Variants in GPHN observed in about 807,000 individuals in gnomAD.
The protein encoded by GPHN is gephyrin.
A neutral mutation model predicts 95.5 loss-of-function variants in GPHN; 17 were observed. That is an observed-to-expected ratio of 0.18 (90% CI 0.12 to 0.27). GPHN has a LOEUF of 0.27. GPHN is among the 10% of genes least tolerant of loss of function. GPHN has a pLI of 1.00. For missense variants in GPHN, 660 were observed against 978.1 expected (o/e 0.67, Z 4.34); for synonymous variants, 320 against 322.5 (o/e 0.99, Z 0.08).
rs1014212048 is a variant in GPHN at position 66,760,391 on chromosome 14, C to T, written c.144-16073C>T. 8 of 155,420 alleles carry T rather than the reference C, an allele frequency of 5.1e-5. 1 individual carries two copies. The highest frequency in any genetic ancestry group is 1.9e-4 in the East Asian group (1 of 5,244). 9.6% of individuals were successfully genotyped at this position (155,420 alleles called of 1,614,324 possible). On this transcript the variant is annotated intron_variant, in intron 2 of 22. Transcript: ENST00000478722. ...TAATCTCATTTAATTATGTTTTGCA[C>T]GCTTTGTATATTGTAAGAGGTTAAT...
chr14:66,953,185 T>A (rs1275653063), intron 8 of GPHN, among the ~76,000 whole-genome samples: 1 of 149,098 alleles, frequency 6.7e-6, no homozygotes, highest in African/African-American at 2.6e-5. Flanking sequence ...TTGGTCTTTT[T>A]ATTATTCAGT....
chr14:67,606,018 T>C, the GPHN span, among the ~76,000 whole-genome samples: 3 of 152,302 alleles, frequency 2.0e-5, no homozygotes, highest in Admixed American at 2.0e-4. Flanking sequence ...CTTTTTCTCA[T>C]GTTAATGTGT....
chr14:67,513,217 T>C, the GPHN span, among the ~76,000 whole-genome samples: 3 of 152,186 alleles, frequency 2.0e-5, no homozygotes, highest in Non-Finnish European at 4.4e-5. Context: ...CAGGCCTCCA[T>C]ATCATTATCC....
intron 1 of GPHN, among the ~76,000 whole-genome samples, chr14:66,546,905 G>A (rs1385680895): frequency 6.6e-6 from 1 of 152,212 alleles, no homozygotes; most frequent in African/African-American, 2.4e-5. Flanking sequence ...ATGTGATAAT[G>A]TACTTGTATG....
the GPHN span, among the ~76,000 whole-genome samples, chr14:67,329,859 T>C: frequency 1.3e-5 from 2 of 150,060 alleles, no homozygotes; most frequent in Non-Finnish European, 3.0e-5. Flanking sequence ...AATAAATAAA[T>C]AAATAAATAA....
At chr14:67,615,314 A>G in the GPHN span, 435 of 153,670 alleles carry the variant, frequency 2.8e-3, 7 homozygotes, top group Admixed American at 0.026. Context: ...TTCATTTTCA[A>G]CTTTGGGGTT....
intron 1 of GPHN, among the ~76,000 whole-genome samples, chr14:66,676,001 A>G (rs150754464): frequency 5.9e-5 from 9 of 152,124 alleles, no homozygotes; most frequent in Admixed American, 5.2e-4. Flanking sequence ...AAGTTCAAAG[A>G]TATTTTATCC....
the GPHN span, among the ~76,000 whole-genome samples, chr14:67,641,316 GA>G: frequency 6.6e-6 from 1 of 151,970 alleles, no homozygotes; most frequent in East Asian, 1.9e-4. Flanking sequence ...TCCAAAATCT[GA>G]AAAAAATAAA....
At chr14:66,834,360 C>A (rs1012497451) in intron 4 of GPHN, among the ~76,000 whole-genome samples, 11 of 152,012 alleles carry the variant, frequency 7.2e-5, no homozygotes, top group Non-Finnish European at 1.3e-4. Context: ...CAAAATTAGA[C>A]CATTTAGATA....
In GPHN at chr14:66,629,149, A is replaced by ATATAAATATATATTTATATACG. The variant is rs2063654535; in HGVS notation, c.65-51954_65-51953insAATATATATTTATATACGTATA. On this transcript the variant is annotated intron_variant, in intron 1 of 22. Coordinates refer to ENST00000478722, the MANE Select transcript of GPHN (RefSeq NM_020806.5). ...TGTATATAAATATATATTTATATAC[A>ATATAAATATATATTTATATACG]TATATAAATATGTATATAAATATAT... Among the ~76,000 whole-genome samples, 3 of 84,984 alleles carry ATATAAATATATATTTATATACG rather than the reference A, an allele frequency of 3.5e-5. No homozygotes were observed. The South Asian group carries it at 1.2e-3, about 33-fold the overall frequency. The allele number at this position is 84,984 out of a possible 152,430, so 55.8% of individuals were successfully genotyped here. A position where few individuals can be genotyped will look rare whatever the true frequency, so the allele number is the denominator to read the frequency against.
intron 3 of GPHN, among the ~76,000 whole-genome samples, chr14:66,800,093 C>CT (rs2060291812): frequency 6.6e-6 from 1 of 151,994 alleles, no homozygotes; most frequent in South Asian, 2.1e-4. Flanking sequence ...TAATAAAAGT[C>CT]TACACTTTAA....
intron 2 of GPHN, among the ~76,000 whole-genome samples, chr14:66,773,079 C>G (rs1378375582): frequency 6.6e-6 from 1 of 152,162 alleles, no homozygotes; most frequent in African/African-American, 2.4e-5. Flanking sequence ...TTTCTGGTCT[C>G]CCCAGAGAAG....
intron 4 of GPHN, among the ~76,000 whole-genome samples, chr14:66,830,217 T>C (rs2061535447): frequency 6.6e-6 from 1 of 152,172 alleles, no homozygotes; most frequent in Admixed American, 6.5e-5. Flanking sequence ...TTCTCACTTT[T>C]ACCTTTGGTT....
At chr14:66,582,992 A>C (rs560970614) in intron 1 of GPHN, among the ~76,000 whole-genome samples, 7 of 152,038 alleles carry the variant, frequency 4.6e-5, no homozygotes, top group Admixed American at 3.9e-4. Flanking sequence ...CTAGTTTACA[A>C]TCCCACCAAC....
At chr14:67,341,427 T>A in the GPHN span, among the ~76,000 whole-genome samples, 1 of 148,024 alleles carries the variant, frequency 6.8e-6, no homozygotes, top group East Asian at 2.0e-4. Context: ...GTGAGGAGCG[T>A]CTCCGCCCAG....
the GPHN span, among the ~76,000 whole-genome samples, chr14:67,456,265 A>C: frequency 6.6e-6 from 1 of 152,234 alleles, no homozygotes; most frequent in Admixed American, 6.5e-5. Context: ...AACCGCAATG[A>C]GATACCATCT....
the GPHN span, among the ~76,000 whole-genome samples, chr14:67,609,205 G>T: frequency 6.6e-6 from 1 of 152,140 alleles, no homozygotes; most frequent in Non-Finnish European, 1.5e-5. Context: ...CAGGCAAGAA[G>T]AATCTGTCAG....
chr14:67,726,293 G>A, the GPHN span: 2 of 709,174 alleles, frequency 2.8e-6, no homozygotes, highest in South Asian at 1.5e-5. Flanking sequence ...CCATTGGCTT[G>A]TTGTTCACTG....
chr14:66,730,845 T>C (rs1038110516), intron 2 of GPHN, among the ~76,000 whole-genome samples: 8 of 152,228 alleles, frequency 5.3e-5, no homozygotes, highest in African/African-American at 1.9e-4. Context: ...GACACTGATA[T>C]GGTTTGGCTC....
Sources: allele counts gnomAD v4.1 joint callset (sites outside exome capture counted in the v4.1 genomes callset), GRCh38; gene constraint gnomAD v4.1.1; transcripts MANE v1.5; gene names NCBI Gene and HGNC (gene_info 2026-07-23, HGNC 2026-07-21).